The following NOL4 variants were observed in gnomAD, a reference collection of about 807,000 sequenced individuals.
NOL4 encodes cancer/testis antigen 125.
A neutral mutation model predicts 75.9 loss-of-function variants in NOL4; 17 were observed. That is an observed-to-expected ratio of 0.22 (90% CI 0.15 to 0.34). The LOEUF is 0.34. Among genes scored for constraint, NOL4 ranks in the 10% least tolerant of loss-of-function variants. NOL4 has a pLI of 1.00. For missense variants in NOL4, 614 were observed against 793.5 expected (o/e 0.77, Z 2.72); for synonymous variants, 292 against 289.9 (o/e 1.01, Z -0.07).
intron 5 of NOL4, among the ~76,000 whole-genome samples, chr18:34,081,022 A>T (rs2077987302): frequency 6.6e-6 from 1 of 152,332 alleles, no homozygotes; most frequent in African/African-American, 2.4e-5. Context: ...TCTTCTTTTT[A>T]AGAAATTAGA....
intron 6 of NOL4, among the ~76,000 whole-genome samples, chr18:33,959,796 G>A (rs76096130): frequency 7.9e-5 from 12 of 152,082 alleles, no homozygotes; most frequent in African/African-American, 2.9e-4. Context: ...CTACAGATAA[G>A]GAAACAGCTT....
chr18:33,892,428 C>T (rs1480849080), intron 9 of NOL4, among the ~76,000 whole-genome samples: 1 of 151,944 alleles, frequency 6.6e-6, no homozygotes, highest in Non-Finnish European at 1.5e-5. Context: ...GAGACCATCT[C>T]TCTAAATGTA....
At chr18:34,144,719 T>C (rs1349630605) in intron 1 of NOL4, among the ~76,000 whole-genome samples, 1 of 152,198 alleles carries the variant, frequency 6.6e-6, no homozygotes, top group Non-Finnish European at 1.5e-5. Context: ...ATAATATACA[T>C]GCATATAAAA....
rs540334370 is a variant in NOL4, at chr18:34,191,355, G to A, written c.264+31635C>T. Among the ~76,000 whole-genome samples, 26 of 151,868 alleles carry A rather than the reference G, an allele frequency of 1.7e-4. No homozygotes were observed. The East Asian group carries it at 4.8e-3, about 28-fold the overall frequency. On this transcript the variant is annotated intron_variant, in intron 1 of 10. Coordinates refer to ENST00000261592, the MANE Select transcript of NOL4 (RefSeq NM_003787.5). Reference sequence around the variant, plus strand: ...TATTGTACTACATAACACAATAATTGACCACTTGTCAGTTAATATGATTTT... The same window carrying A: ...TATTGTACTACATAACACAATAATTAACCACTTGTCAGTTAATATGATTTT...
intron 1 of NOL4, among the ~76,000 whole-genome samples, chr18:34,142,692 G>C (rs1050676795): frequency 6.6e-6 from 1 of 152,130 alleles, no homozygotes; most frequent in East Asian, 1.9e-4. Context: ...GGGGTGGGGG[G>C]AGGATGGAGG....
intron 6 of NOL4, among the ~76,000 whole-genome samples, chr18:34,014,225 T>C (rs559069533): frequency 1.4e-4 from 21 of 151,984 alleles, no homozygotes; most frequent in Non-Finnish European, 2.5e-4. Context: ...TAAAGATTAA[T>C]TGAAAAAAGT....
chr18:34,126,928 A>G (rs1437428704), intron 2 of NOL4, among the ~76,000 whole-genome samples: 2 of 152,016 alleles, frequency 1.3e-5, no homozygotes, highest in Non-Finnish European at 2.9e-5. Context: ...AGTAGACTAC[A>G]GACAAATATA....
intron 9 of NOL4, among the ~76,000 whole-genome samples, chr18:33,929,852 CA>C (rs1249874402): frequency 6.6e-6 from 1 of 152,012 alleles, no homozygotes; most frequent in African/African-American, 2.4e-5. Context: ...ATAACTAGAA[CA>C]GTTCAAAAAC....
Position 33,919,274 on chromosome 18 carries a change from A to G in NOL4, c.1542+23791T>C, listed in dbSNP as rs1003291227. Among the ~76,000 whole-genome samples, 13 of 152,252 alleles carry G rather than the reference A, an allele frequency of 8.5e-5. No homozygotes were observed. In the East Asian group the frequency reaches 1.7e-3, roughly 20 times the overall value. On this transcript the variant is annotated intron_variant, in intron 9 of 10. Coordinates refer to ENST00000261592, the MANE Select transcript of NOL4 (RefSeq NM_003787.5). Reference sequence around the variant, plus strand: ...TTACACATCTGAGCTTCTAAGAACAAGGGACCCTGATGTGTCACAAAAACA... The same window carrying G: ...TTACACATCTGAGCTTCTAAGAACAGGGGACCCTGATGTGTCACAAAAACA...
At chr18:33,861,646 T>A (rs1242875801) in intron 10 of NOL4, among the ~76,000 whole-genome samples, 2 of 152,114 alleles carry the variant, frequency 1.3e-5, no homozygotes, top group Non-Finnish European at 2.9e-5. Flanking sequence ...GAGAGCCAAA[T>A]CATGAGTGAA....
intron 1 of NOL4, among the ~76,000 whole-genome samples, chr18:34,132,473 A>T (rs1368015003): frequency 2.0e-5 from 3 of 152,202 alleles, no homozygotes; most frequent in Admixed American, 2.0e-4. Flanking sequence ...GTTTGTCAGG[A>T]TAATATTAAA....
rs115251243 is a variant in NOL4, at chr18:33,899,069, T to A, written c.1543-15645A>T. On this transcript the variant is annotated intron_variant, in intron 9 of 10. Coordinates refer to ENST00000261592, the MANE Select transcript of NOL4 (RefSeq NM_003787.5). ...TAACTAGGGGAAGAATTTCATTTAT[T>A]GTTTGAAAAAAAGATGATAATACTC... is the stretch of plus-strand genomic sequence containing the variant. Among the ~76,000 whole-genome samples, 960 of 152,234 alleles carry A rather than the reference T, an allele frequency of 6.3e-3. 8 individuals are homozygous for A. The highest frequency in any genetic ancestry group is 0.021 in the African/African-American group (884 of 41,552).
intron 5 of NOL4, among the ~76,000 whole-genome samples, chr18:34,058,486 C>A (rs1030815149): frequency 6.6e-6 from 1 of 152,172 alleles, no homozygotes; most frequent in Non-Finnish European, 1.5e-5. Flanking sequence ...CTAGGTGAGG[C>A]CTTTATCTTT....
intron 10 of NOL4, among the ~76,000 whole-genome samples, chr18:33,875,807 TAGAG>T (rs2063908251): frequency 6.6e-6 from 1 of 152,044 alleles, no homozygotes; most frequent in South Asian, 2.1e-4. Flanking sequence ...TGACCTTACT[TAGAG>T]GGATATAACA....
At chr18:34,176,936 G>C (rs1329454425) in intron 1 of NOL4, among the ~76,000 whole-genome samples, 1 of 152,016 alleles carries the variant, frequency 6.6e-6, no homozygotes, top group Non-Finnish European at 1.5e-5. Context: ...TAAGAGAGAA[G>C]TAACTCATCA....
chr18:34,211,945 G>C (rs961385220), intron 1 of NOL4, among the ~76,000 whole-genome samples: 1 of 151,814 alleles, frequency 6.6e-6, no homozygotes, highest in African/African-American at 2.4e-5. Flanking sequence ...ATTTAAATAA[G>C]TTAAAAAAAT....
intron 10 of NOL4, among the ~76,000 whole-genome samples, chr18:33,877,806 T>C (rs534675841): frequency 3.3e-5 from 5 of 150,346 alleles, no homozygotes; most frequent in African/African-American, 1.2e-4. Flanking sequence ...AATTGAGGAA[T>C]AGGTACCAAT....
chr18:34,215,770 A>T lies in NOL4; in HGVS notation c.264+7220T>A, dbSNP rs74846254. On this transcript the variant is annotated intron_variant, in intron 1 of 10. Transcript: ENST00000261592. ...GAACAACCTGGGGTTAGGTGTACTG[A>T]CACCCTCTGCCCCTGAAAACCTGCA... Among the ~76,000 whole-genome samples the T allele has an allele frequency of 1.6e-3, 248 of 152,290 alleles. 1 individual carries two copies. Among genetic ancestry groups the T allele is most frequent in the African/African-American group, 5.7e-3 (238 of 41,572 alleles).
intron 2 of NOL4, among the ~76,000 whole-genome samples, chr18:34,118,986 G>T (rs1278411271): frequency 4.6e-5 from 7 of 152,040 alleles, no homozygotes; most frequent in African/African-American, 1.7e-4. Context: ...TACTCAATAT[G>T]GTTCTACAGC....
Sources: gnomAD v4.1 joint callset for allele counts (sites outside exome capture counted in the v4.1 genomes callset) on GRCh38, gnomAD v4.1.1 for gene constraint, MANE v1.5 for transcripts, NCBI Gene and HGNC (gene_info 2026-07-23, HGNC 2026-07-21) for gene names.